The following GLG1 variants were observed in gnomAD, a reference collection of about 807,000 sequenced individuals.
The protein encoded by GLG1 is golgi glycoprotein 1, also known as Golgi apparatus protein 1.
Under a neutral mutation model 160.5 loss-of-function variants are expected in GLG1, and 38 were observed. That is an observed-to-expected ratio of 0.24 (90% CI 0.18 to 0.31). The LOEUF (loss-of-function observed/expected upper bound fraction) is 0.31. Among genes scored for constraint, GLG1 ranks in the 10% least tolerant of loss-of-function variants. The pLI, the probability that GLG1 is intolerant of heterozygous loss-of-function variation, is 1.00. For missense variants in GLG1, 1,373 were observed against 1,505.2 expected, an observed-to-expected ratio of 0.91 and a Z score of 1.45; for synonymous variants, 644 against 543.4, an observed-to-expected ratio of 1.19 and a Z score of -2.57.
chr16:74,478,697 A>G (rs1411752236), intron 11 of GLG1, among the ~76,000 whole-genome samples: 2 of 152,110 alleles, frequency 1.3e-5, no homozygotes, highest in Admixed American at 6.5e-5. Flanking sequence ...AGATCACCTG[A>G]GGTCTGGAGT....
At chr16:74,551,663 T>C (rs1196944943) in intron 1 of GLG1, among the ~76,000 whole-genome samples, 1 of 151,012 alleles carries the variant, frequency 6.6e-6, no homozygotes, top group Admixed American at 6.6e-5. Context: ...GTCAGTTGGC[T>C]AATTTGGGAA....
chr16:74,593,034 C>G (rs759154607), intron 1 of GLG1, among the ~76,000 whole-genome samples: 40 of 152,172 alleles, frequency 2.6e-4, no homozygotes, highest in Non-Finnish European at 4.4e-4. Flanking sequence ...AGCCCGCCCT[C>G]CCTCTTGCAT....
intron 2 of GLG1, among the ~76,000 whole-genome samples, chr16:74,514,466 CG>C (rs2016915490): frequency 6.6e-6 from 1 of 152,128 alleles, no homozygotes. Context: ...ACAAGCAAGA[CG>C]AGAGTGGGGG....
In GLG1 at chr16:74,551,490, A is replaced by C. The variant is rs886845312; in HGVS notation, c.439-19337T>G. Reference sequence around the variant, plus strand: ...TGGCTATTTTTTTTTTTTTTTTTTTAATTTTTAGTAGAGACGGGCGTCTTG... The same window carrying C: ...TGGCTATTTTTTTTTTTTTTTTTTTCATTTTTAGTAGAGACGGGCGTCTTG... On this transcript the variant is annotated intron_variant, in intron 1 of 25. Transcript: ENST00000422840. Among the ~76,000 whole-genome samples, 4 of 55,568 alleles carry C rather than the reference A, an allele frequency of 7.2e-5. No individual in the cohort carries two copies. The Admixed American group carries it at 7.5e-4, about 10-fold the overall frequency. 36.5% of individuals were successfully genotyped at this position (55,568 alleles called of 152,430 possible). A position where few individuals can be genotyped will look rare whatever the true frequency, so the allele number is the denominator to read the frequency against.
chr16:74,551,779 T>C lies in GLG1; in HGVS notation c.439-19626A>G, dbSNP rs577049807. 1.4e-3 allele frequency among the ~76,000 whole-genome samples: 216 copies of C among 152,108 alleles called. 1 individual carries two copies. In the South Asian group the frequency reaches 0.015, roughly 11 times the overall value. On this transcript the variant is annotated intron_variant, in intron 1 of 25. Coordinates refer to ENST00000422840, the MANE Select transcript of GLG1 (RefSeq NM_001145667.2). ...CCCATTTCAAATGTACAAGGAGAATTACTGGGGAGAAGAAAGAGAAGGGAA... is the reference window on the plus strand; with the variant it reads ...CCCATTTCAAATGTACAAGGAGAATCACTGGGGAGAAGAAAGAGAAGGGAA...
chr16:74,558,981 C>G (rs1447816712), intron 1 of GLG1, among the ~76,000 whole-genome samples: 3 of 152,180 alleles, frequency 2.0e-5, no homozygotes, highest in African/African-American at 7.2e-5. Flanking sequence ...CAGAACTGGG[C>G]TCAAGCAATT....
At chr16:74,566,840 C>A (rs1470813324) in intron 1 of GLG1, among the ~76,000 whole-genome samples, 1 of 152,074 alleles carries the variant, frequency 6.6e-6, no homozygotes, top group African/African-American at 2.4e-5. Flanking sequence ...AATTTATTCT[C>A]CACACCAGGA....
chr16:74,560,826 A>C (rs1821320817), intron 1 of GLG1, among the ~76,000 whole-genome samples: 1 of 152,210 alleles, frequency 6.6e-6, no homozygotes, highest in Admixed American at 6.5e-5. Flanking sequence ...CGAAAGAAAA[A>C]AAGAAGGGAG....
chr16:74,495,035 T>G (rs774796444), intron 5 of GLG1, among the ~76,000 whole-genome samples: 2 of 151,992 alleles, frequency 1.3e-5, no homozygotes, highest in Non-Finnish European at 2.9e-5. Context: ...CCCATGATAT[T>G]TGGAGTTTGT....
chr16:74,517,133 A>G (rs1050140336), intron 2 of GLG1, among the ~76,000 whole-genome samples: 3 of 152,222 alleles, frequency 2.0e-5, no homozygotes, highest in Admixed American at 2.0e-4. Flanking sequence ...TACAAAGAGG[A>G]GCTGGTACCA....
chr16:74,497,741 G>A (rs140533281), intron 4 of GLG1, among the ~76,000 whole-genome samples: 154 of 152,194 alleles, frequency 1.0e-3, no homozygotes, highest in Non-Finnish European at 1.4e-3. Context: ...CCGGCCAACA[G>A]TGCTTTCAGT....
intron 1 of GLG1, among the ~76,000 whole-genome samples, chr16:74,577,408 G>T (rs1001540359): frequency 6.6e-6 from 1 of 151,452 alleles, no homozygotes; most frequent in African/African-American, 2.4e-5. Flanking sequence ...TGTAATCCCA[G>T]CTACTCGGGA....
chr16:74,523,965 C>T (rs2017254014), intron 2 of GLG1, among the ~76,000 whole-genome samples: 1 of 152,158 alleles, frequency 6.6e-6, no homozygotes, highest in Non-Finnish European at 1.5e-5. Context: ...GTAATCCCAG[C>T]ACTTTGGGAG....
intron 3 of GLG1, among the ~76,000 whole-genome samples, chr16:74,505,126 C>A (rs1412617869): frequency 6.6e-6 from 1 of 152,196 alleles, no homozygotes; most frequent in Non-Finnish European, 1.5e-5. Context: ...CTATCACAAG[C>A]ATGCCCATAG....
At chr16:74,570,400 A>G (rs964144161) in intron 1 of GLG1, among the ~76,000 whole-genome samples, 2 of 152,216 alleles carry the variant, frequency 1.3e-5, no homozygotes, top group South Asian at 2.1e-4. Context: ...GAAAATCTTA[A>G]AAGAAGCTAT....
chr16:74,479,378 T>C (rs2015517436), intron 11 of GLG1, among the ~76,000 whole-genome samples: 1 of 150,310 alleles, frequency 6.7e-6, no homozygotes, highest in Non-Finnish European at 1.5e-5. Context: ...CCCTAGTCAC[T>C]ATAGTGACCA....
chr16:74,579,707 AAG>A (rs942476116), intron 1 of GLG1, among the ~76,000 whole-genome samples: 4 of 148,998 alleles, frequency 2.7e-5, no homozygotes, highest in African/African-American at 5.0e-5. Flanking sequence ...GGGTGACAGC[AAG>A]ACTCAGTCTC....
chr16:74,459,845 C>G (rs1417974148), intron 22 of GLG1, 56 bp from the exon 23 acceptor site: 2 of 851,122 alleles, frequency 2.3e-6, no homozygotes, highest in African/African-American at 1.8e-5. Context: ...AATGAACTGA[C>G]AGTTTCTTCT....
At chr16:74,490,099 C>T (rs999579873) in intron 8 of GLG1, among the ~76,000 whole-genome samples, 1 of 152,172 alleles carries the variant, frequency 6.6e-6, no homozygotes, top group African/African-American at 2.4e-5. Context: ...CTTGTGCTCC[C>T]CAAAGGAAAG....
Sources: gnomAD v4.1 joint callset for allele counts (sites outside exome capture counted in the v4.1 genomes callset) on GRCh38, gnomAD v4.1.1 for gene constraint, MANE v1.5 for transcripts, NCBI Gene and HGNC (gene_info 2026-07-23, HGNC 2026-07-21) for gene names.